PSG2: variants seen among roughly 807,000 people sequenced by gnomAD.
The protein encoded by PSG2 is pregnancy-specific beta-1-glycoprotein 2.
PSG2 carries 49 observed loss-of-function variants against 36.2 expected under a neutral mutation model. The observed-to-expected ratio is 1.35, with a 90% CI of 1.08 to 1.72. The LOEUF (loss-of-function observed/expected upper bound fraction) is 1.72, where lower values mean the gene tolerates loss of function less well. Among genes scored for constraint, PSG2 ranks in the 40% most tolerant of loss-of-function variants. PSG2 has a pLI of 0.00. For missense variants in PSG2, 605 were observed against 407.2 expected, an observed-to-expected ratio of 1.49 and a Z score of -4.18; for synonymous variants, 261 against 155.6, an observed-to-expected ratio of 1.68 and a Z score of -5.04.
intron 1 of PSG2, 100 bp downstream of exon 1, chr19:43,082,406 C>G (rs1023712151): frequency 6.5e-7 from 1 of 1,539,266 alleles, no homozygotes. Context: ...TCCCTAAGTG[C>G]TGGCTTCTTT....
At chr19:43,075,663 G>A (rs144556615) in intron 2 of PSG2, 31 bp from the exon 3 acceptor site, 174,773 of 1,593,646 alleles carry the variant, frequency 0.11, 11,547 homozygotes, top group Admixed American at 0.18. Flanking sequence ...AGATTGCCCT[G>A]TGTGGCACCT....
intron 4 of PSG2, among the ~76,000 whole-genome samples, chr19:43,070,129 C>G (rs1259067562): frequency 6.6e-6 from 1 of 151,670 alleles, no homozygotes; most frequent in Non-Finnish European, 1.5e-5. Context: ...ATCAAAACCA[C>G]AATGTTACAC....
At chr19:43,074,986 T>C (rs1285856864) in intron 3 of PSG2, among the ~76,000 whole-genome samples, 1 of 151,546 alleles carries the variant, frequency 6.6e-6, no homozygotes, top group African/African-American at 2.4e-5. Flanking sequence ...ACAGGCACTA[T>C]TGTCAGAGGG....
At chr19:43,081,733 A>C (rs1192211798) in intron 1 of PSG2, 8 of 167,078 alleles carry the variant, frequency 4.8e-5, no homozygotes, top group Middle Eastern at 1.1e-3. Flanking sequence ...GCATGAGCTC[A>C]GTGAGGACAG....
Position 43,064,563 on chromosome 19 carries a change from T to C in PSG2, c.*79A>G, listed in dbSNP as rs1184511018. 1 of 678,672 alleles carries C rather than the reference T, an allele frequency of 1.5e-6. No homozygotes were observed. The highest frequency in any genetic ancestry group is 2.1e-5 in the Admixed American group (1 of 46,744). 42.0% of individuals were successfully genotyped at this position (678,672 alleles called of 1,614,324 possible). On this transcript the variant is annotated 3_prime_UTR_variant, in exon 6 of 6. Transcript: ENST00000406487. ...TGATCTTGAAGTTATCAGGAGCTTGTATTCAAGAGTCCTTGTAAGAGACCT... is the reference window on the plus strand; with the variant it reads ...TGATCTTGAAGTTATCAGGAGCTTGCATTCAAGAGTCCTTGTAAGAGACCT...
At chr19:43,068,095 A>G (rs564668371) in intron 4 of PSG2, among the ~76,000 whole-genome samples, 1 of 151,466 alleles carries the variant, frequency 6.6e-6, no homozygotes, top group Non-Finnish European at 1.5e-5. Context: ...ACCATTAACT[A>G]GATTGACTAA....
At chr19:43,079,591 G>C (rs2122917236) in intron 2 of PSG2, among the ~76,000 whole-genome samples, 1 of 151,710 alleles carries the variant, frequency 6.6e-6, no homozygotes, top group East Asian at 1.9e-4. Context: ...TCCTCTCCTT[G>C]ATCCTCTCAT....
At position 43,072,265 on chromosome 19, in the gene PSG2, C is replaced by G. The variant is rs1311794204; in HGVS notation, c.710-311G>C. The G allele has an allele frequency of 7.0e-6, 11 of 1,569,316 alleles. No individual in the cohort carries two copies. In the East Asian group the frequency reaches 1.1e-4, roughly 16 times the overall value. ...ATGTCCAGAAGTAAAGTTGTCTATACTTGGACCGGAGAGAGACTGAGAGGC... is the reference window on the plus strand; with the variant it reads ...ATGTCCAGAAGTAAAGTTGTCTATAGTTGGACCGGAGAGAGACTGAGAGGC... On this transcript the variant is annotated intron_variant, in intron 3 of 5. Coordinates refer to ENST00000406487, the MANE Select transcript of PSG2 (RefSeq NM_031246.4).
intron 3 of PSG2, among the ~76,000 whole-genome samples, chr19:43,072,186 T>A (rs1489305126): frequency 2.0e-5 from 3 of 151,690 alleles, no homozygotes; most frequent in Non-Finnish European, 4.4e-5. Context: ...ATATTCTTGG[T>A]TAAGGCTGTG....
rs139632648 is a variant in PSG2 at position 43,079,927 on chromosome 19, C to G, written c.430+954G>C. On this transcript the variant is annotated intron_variant, in intron 2 of 5. Coordinates refer to ENST00000406487, the MANE Select transcript of PSG2 (RefSeq NM_031246.4). ...ATCTCCCCTTTGTGTTGGTGTGACTCTGGTTCAGTGACTGTGCCTTCCTGT... is the reference window on the plus strand; with the variant it reads ...ATCTCCCCTTTGTGTTGGTGTGACTGTGGTTCAGTGACTGTGCCTTCCTGT... Among the ~76,000 whole-genome samples the G allele has an allele frequency of 5.0e-3, 757 of 151,772 alleles. 27 individuals are homozygous for G. Among genetic ancestry groups the G allele is most frequent in the African/African-American group, 0.017 (710 of 41,166 alleles).
rs1159480527 is a variant in PSG2, at chr19:43,077,196, T to A, written c.431-1564A>T. ...CTGAGACCAAAATAAGGTTTAGGTG[T>A]GCCGTGAATTCCAGCAGGATCACAT... On this transcript the variant is annotated intron_variant, in intron 2 of 5. Transcript: ENST00000406487. Among the ~76,000 whole-genome samples the A allele has an allele frequency of 3.2e-4, 49 of 151,752 alleles. 1 individual carries two copies. The highest frequency in any genetic ancestry group is 5.7e-4 in the Non-Finnish European group (39 of 67,974).
At chr19:43,076,065 A>T (rs115905789) in intron 2 of PSG2, among the ~76,000 whole-genome samples, 1 of 151,660 alleles carries the variant, frequency 6.6e-6, no homozygotes, top group South Asian at 2.1e-4. Context: ...AGGACATCCA[A>T]GAGATGAATG....
intron 2 of PSG2, among the ~76,000 whole-genome samples, chr19:43,076,747 T>C (rs1449681448): frequency 6.6e-6 from 1 of 151,716 alleles, no homozygotes; most frequent in Non-Finnish European, 1.5e-5. Flanking sequence ...AGATCTCCTG[T>C]ACAGCCTCGT....
intron 4 of PSG2, 126 bp from the exon 5 acceptor site, chr19:43,066,726 T>C: frequency 7.3e-7 from 1 of 1,372,268 alleles, no homozygotes; most frequent in Non-Finnish European, 1.0e-6. Flanking sequence ...TTATTTCTCT[T>C]GGAATATTGA....
chr19:43,079,831 C>T (rs1017841166), intron 2 of PSG2, among the ~76,000 whole-genome samples: 17 of 151,566 alleles, frequency 1.1e-4, no homozygotes, highest in African/African-American at 2.7e-4. Flanking sequence ...GTCCTTGGGA[C>T]CCAGTAAGCC....
intron 3 of PSG2, among the ~76,000 whole-genome samples, chr19:43,074,921 G>A (rs1599708349): frequency 2.0e-5 from 3 of 151,176 alleles, no homozygotes; most frequent in Non-Finnish European, 4.4e-5. Flanking sequence ...GGTAATAGGT[G>A]TGAGGAAGAA....
chr19:43,071,747 G>C lies in PSG2; in HGVS notation c.917C>G (p.Ser306Ter). The C allele has an allele frequency of 6.2e-7, 1 of 1,612,964 alleles. No individual in the cohort carries two copies. Among genetic ancestry groups the C allele is most frequent in the Non-Finnish European group, 8.5e-7 (1 of 1,179,444 alleles). ...TGTGGAGCTTTCCTCGCCAGTGGCT[G>C]AGTTACGAACAGAGCAAACATAGAG... ...SGLYVCSVRN[S>*]ATGEESSTSL... The change falls in exon 4 of 6, where the codon TCA becomes TGA. Residue 306 changes from serine (S) to a stop codon, truncating the protein, a stop_gained. Coordinates refer to ENST00000406487, the MANE Select transcript of PSG2 (RefSeq NM_031246.4). LOFTEE classifies it high-confidence loss of function.
chr19:43,078,070 C>T (rs965151327), intron 2 of PSG2, among the ~76,000 whole-genome samples: 1 of 151,690 alleles, frequency 6.6e-6, no homozygotes, highest in Non-Finnish European at 1.5e-5. Flanking sequence ...CTCTGACACC[C>T]TGGTGAGTCA....
chr19:43,075,059 A>G (rs1287626719), intron 3 of PSG2, among the ~76,000 whole-genome samples: 1 of 151,528 alleles, frequency 6.6e-6, no homozygotes, highest in Non-Finnish European at 1.5e-5. Context: ...GCAACACTGA[A>G]CTCCCAGCCA....
Sources: allele counts gnomAD v4.1 joint callset (sites outside exome capture counted in the v4.1 genomes callset), GRCh38; gene constraint gnomAD v4.1.1; transcripts MANE v1.5; gene names NCBI Gene and HGNC (gene_info 2026-07-23, HGNC 2026-07-21).